EPS15: variants seen among roughly 807,000 people sequenced by gnomAD.
EPS15 encodes the protein epidermal growth factor receptor substrate 15.
In EPS15, 72 loss-of-function variants were observed where a neutral mutation model predicts 113.8. That is an observed-to-expected ratio of 0.63 (90% CI 0.52 to 0.77). The LOEUF is 0.77. EPS15 is among the 30% of genes least tolerant of loss of function. The pLI is 0.00. For missense variants in EPS15, 1,048 were observed against 1,045.8 expected (o/e 1.00, Z -0.03); for synonymous variants, 344 against 363.4 (o/e 0.95, Z 0.61).
chr1:51,517,540 T>C (rs926153065), intron 1 of EPS15, among the ~76,000 whole-genome samples: 13 of 152,194 alleles, frequency 8.5e-5, no homozygotes, highest in African/African-American at 3.1e-4. Context: ...GGAAAACTCC[T>C]GCCAGAATTG....
chr1:51,463,792 C>T lies in EPS15; in HGVS notation c.382G>A (p.Asp128Asn). ...AATATTGCATCATATTTGGCCTTAT[C>T]TTCAGGCTACAATAAAAAACAAAAT... ...AELPWAVKPE[D>N]KAKYDAIFDS... Residue 128 changes from aspartate to asparagine, a missense_variant, in exon 7 of 25, where the codon GAT (aspartate) becomes AAT (asparagine). Coordinates refer to ENST00000371733, the MANE Select transcript of EPS15 (RefSeq NM_001981.3). The T allele has an allele frequency of 6.3e-7, 1 of 1,582,446 alleles. No homozygotes were observed. The highest frequency in any genetic ancestry group is 8.6e-7 in the Non-Finnish European group (1 of 1,160,794).
chr1:51,440,676 T>G (rs933682815), intron 11 of EPS15, among the ~76,000 whole-genome samples: 1 of 151,894 alleles, frequency 6.6e-6, no homozygotes, highest in African/African-American at 2.4e-5. Context: ...ATGTACCCCA[T>G]CCCCACCTCC....
At chr1:51,447,994 C>T (rs1653204031) in intron 9 of EPS15, 52 bp downstream of exon 9, 2 of 1,598,602 alleles carry the variant, frequency 1.3e-6, no homozygotes, top group Non-Finnish European at 1.7e-6. Context: ...TGGTAAGATT[C>T]CTTGGCTGAT....
At chr1:51,423,387 G>A (rs1216855850) in intron 12 of EPS15, 5 of 1,077,750 alleles carry the variant, frequency 4.6e-6, no homozygotes, top group East Asian at 7.5e-5. Flanking sequence ...AAAAACACGG[G>A]GAAAAATTTC....
At chr1:51,446,453 CTTTT>C (rs370161989) in intron 10 of EPS15, among the ~76,000 whole-genome samples, 3 of 132,242 alleles carry the variant, frequency 2.3e-5, no homozygotes, top group Admixed American at 1.5e-4. Flanking sequence ...CACTGTCATT[CTTTT>C]TTTTTTTTTT....
chr1:51,434,548 C>A (rs1018001684), intron 12 of EPS15, among the ~76,000 whole-genome samples: 1 of 151,592 alleles, frequency 6.6e-6, no homozygotes, highest in South Asian at 2.1e-4. Context: ...TGAGGAAGGG[C>A]GGGGAAAATG....
intron 1 of EPS15, among the ~76,000 whole-genome samples, chr1:51,507,214 G>A (rs1305399888): frequency 6.6e-6 from 1 of 152,070 alleles, no homozygotes; most frequent in Non-Finnish European, 1.5e-5. Flanking sequence ...TTATCAAATG[G>A]TAGAGCAAAG....
At chr1:51,432,748 G>A (rs1312610451) in intron 12 of EPS15, among the ~76,000 whole-genome samples, 1 of 152,120 alleles carries the variant, frequency 6.6e-6, no homozygotes, top group Non-Finnish European at 1.5e-5. Context: ...TTCAAGTAAG[G>A]AGAGTCTCCC....
intron 21 of EPS15, among the ~76,000 whole-genome samples, chr1:51,384,106 T>C (rs1416984065): frequency 6.6e-6 from 1 of 152,114 alleles, no homozygotes; most frequent in African/African-American, 2.4e-5. Flanking sequence ...ACATCCCATG[T>C]TCACAGATTA....
At chr1:51,377,874 G>C (rs182794627) in intron 21 of EPS15, among the ~76,000 whole-genome samples, 1 of 151,260 alleles carries the variant, frequency 6.6e-6, no homozygotes, top group Non-Finnish European at 1.5e-5. Context: ...ACAATTTGTT[G>C]AAGGCTCAAA....
intron 22 of EPS15, among the ~76,000 whole-genome samples, chr1:51,364,590 G>A (rs1646465575): frequency 6.6e-6 from 1 of 152,018 alleles, no homozygotes; most frequent in East Asian, 1.9e-4. Context: ...GAACCCCTGG[G>A]CTCTAGGGAT....
At chr1:51,384,800 A>G (rs575689142) in intron 21 of EPS15, among the ~76,000 whole-genome samples, 87 of 152,338 alleles carry the variant, frequency 5.7e-4, no homozygotes, top group African/African-American at 1.2e-3. Flanking sequence ...CCTCACATAT[A>G]TGGTCAAATG....
intron 5 of EPS15, among the ~76,000 whole-genome samples, chr1:51,466,521 G>C (rs996809061): frequency 1.3e-5 from 2 of 151,644 alleles, no homozygotes; most frequent in African/African-American, 4.8e-5. Flanking sequence ...TACTCAGGAG[G>C]CTAAGGCAGG....
At chr1:51,380,942 G>T (rs1322132417) in intron 21 of EPS15, among the ~76,000 whole-genome samples, 1 of 152,188 alleles carries the variant, frequency 6.6e-6, no homozygotes, top group African/African-American at 2.4e-5. Flanking sequence ...AAGAGACAAA[G>T]ATGGACATTA....
At chr1:51,371,399 T>C (rs542923372) in intron 21 of EPS15, among the ~76,000 whole-genome samples, 52 of 152,136 alleles carry the variant, frequency 3.4e-4, no homozygotes, top group Admixed American at 2.2e-3. Flanking sequence ...TGGAAGACAG[T>C]GATATTGATG....
chr1:51,468,163 G>C (rs911175488), intron 5 of EPS15, among the ~76,000 whole-genome samples: 8 of 151,896 alleles, frequency 5.3e-5, no homozygotes, highest in African/African-American at 1.7e-4. Context: ...GTCTCGCTTT[G>C]TTTCCCAGCC....
intron 5 of EPS15, among the ~76,000 whole-genome samples, chr1:51,466,818 C>CCAG (rs1300204822): frequency 1.3e-5 from 2 of 151,688 alleles, no homozygotes; most frequent in African/African-American, 4.8e-5. Context: ...TCACTTGTGC[C>CCAG]CAGGAATTCA....
chr1:51,391,395 C>T (rs1021969259), intron 21 of EPS15, among the ~76,000 whole-genome samples: 4 of 151,754 alleles, frequency 2.6e-5, no homozygotes, highest in African/African-American at 9.7e-5. Flanking sequence ...AGCACACCAG[C>T]ATGGCACATG....
intron 20 of EPS15, 43 bp from the exon 21 acceptor site, chr1:51,394,490 T>C: frequency 7.7e-7 from 1 of 1,291,792 alleles, no homozygotes; most frequent in Non-Finnish European, 1.1e-6. Flanking sequence ...AGGCAACACT[T>C]CACAGCTGAA....
Sources: gnomAD v4.1 joint callset for allele counts (sites outside exome capture counted in the v4.1 genomes callset) on GRCh38, gnomAD v4.1.1 for gene constraint, MANE v1.5 for transcripts, NCBI Gene and HGNC (gene_info 2026-07-23, HGNC 2026-07-21) for gene names.